The following DCAF4 variants were observed in gnomAD, a reference collection of about 807,000 sequenced individuals.
DCAF4 encodes the protein DDB1 and CUL4 associated factor 4, also known as DDB1- and CUL4-associated factor 4.
DCAF4 carries 37 observed loss-of-function variants against 60.9 expected under a neutral mutation model. The ratio of observed to expected loss-of-function variants is 0.61; its 90% CI spans 0.47 to 0.80. The LOEUF (loss-of-function observed/expected upper bound fraction) is 0.80, where lower values mean the gene tolerates loss of function less well. Among genes scored for constraint, DCAF4 ranks in the 30% least tolerant of loss-of-function variants. The probability of loss-of-function intolerance (pLI) is 0.00; values close to 1 mark genes in which losing one functional copy is unlikely to be tolerated. For synonymous variants in DCAF4, 243 were observed against 254.8 expected, an observed-to-expected ratio of 0.95 and a Z score of 0.44; for missense variants, 577 against 650.0, an observed-to-expected ratio of 0.89 and a Z score of 1.22.
Position 72,953,732 on chromosome 14 carries a change from A to AAAAAAAAATATATATAT in DCAF4, c.809-431_809-430insAAAAAAATATATATATA, listed in dbSNP as rs1555527852. 2.3e-4 allele frequency among the ~76,000 whole-genome samples: 5 copies of AAAAAAAAATATATATAT among 21,766 alleles called. 1 individual carries two copies. Among genetic ancestry groups the AAAAAAAAATATATATAT allele is most frequent in the African/African-American group, 4.7e-4 (2 of 4,300 alleles). 14.3% of individuals were successfully genotyped at this position (21,766 alleles called of 152,430 possible). A position where few individuals can be genotyped will look rare whatever the true frequency, so the allele number is the denominator to read the frequency against. ...CTTAAAAAAAAAAAAAAAAAAAAAA[A>AAAAAAAAATATATATAT]ATATATATATATATATATATATATA... On this transcript the variant is annotated intron_variant, in intron 9 of 13. Coordinates refer to ENST00000358377, the MANE Select transcript of DCAF4 (RefSeq NM_015604.4).
At chr14:72,961,700 G>C (rs1276924826), downstream of DCAF4, among the ~76,000 whole-genome samples, 1 of 152,228 alleles carries the variant, frequency 6.6e-6, no homozygotes, top group Non-Finnish European at 1.5e-5. Context: ...CAGCCCAGAG[G>C]CTCAGGACAT....
At position 72,930,026 on chromosome 14, in the gene DCAF4, G is replaced by A. The variant is rs543169395; in HGVS notation, c.-9+3483G>A. On this transcript the variant is annotated intron_variant, in intron 1 of 13. Transcript: ENST00000358377. ...TCGTGCCTGTAATTCCGGCTACTCC[G>A]AGGTTGAGGCAGGAGGACGGCTTGA... The A allele has an allele frequency of 4.7e-5, 27 of 579,250 alleles. No homozygotes were observed. In the East Asian group the frequency reaches 7.3e-4, roughly 16 times the overall value. The allele number at this position is 579,250 out of a possible 1,614,324, so 35.9% of individuals were successfully genotyped here. A position where few individuals can be genotyped will look rare whatever the true frequency, so the allele number is the denominator to read the frequency against.
chr14:72,960,057 T>C (rs936535649), downstream of DCAF4, among the ~76,000 whole-genome samples: 18 of 152,224 alleles, frequency 1.2e-4, no homozygotes, highest in Admixed American at 7.9e-4. Flanking sequence ...CACCTCACTG[T>C]TGCTGGCCCA....
intron 11 of DCAF4, 138 bp from the exon 12 acceptor site, chr14:72,955,385 C>T (rs1367584779): frequency 3.8e-6 from 4 of 1,053,468 alleles, no homozygotes; most frequent in Non-Finnish European, 5.6e-6. Context: ...CATTGAGACC[C>T]AAACCCTGAC....
In DCAF4 at chr14:72,951,825, T is replaced by A; in HGVS notation, c.756T>A (p.Thr252=). ...ILLCLMGLAE[T]PGCATLLPAS... is the part of the protein sequence containing the mutation. ...TATGCCTCATGGGACTCGCAGAGAC[T>A]CCAGGCTGTGCCACCCTGCTCCCAG... is the stretch of plus-strand genomic sequence containing the variant. The change falls in exon 9 of 14, where the codon ACT becomes ACA. Residue 252 remains threonine, a synonymous_variant. Coordinates refer to ENST00000358377, the MANE Select transcript of DCAF4 (RefSeq NM_015604.4). 1 of 1,614,112 alleles carries A rather than the reference T, an allele frequency of 6.2e-7. No homozygotes were observed. The highest frequency in any genetic ancestry group is 8.5e-7 in the Non-Finnish European group (1 of 1,180,004).
At chr14:72,943,971 T>C (rs1296599561) in intron 6 of DCAF4, among the ~76,000 whole-genome samples, 1 of 152,176 alleles carries the variant, frequency 6.6e-6, no homozygotes, top group Non-Finnish European at 1.5e-5. Flanking sequence ...CATTCTCCCA[T>C]GTGGCTTTTC....
chr14:72,951,970 G>A (rs1891478474), intron 9 of DCAF4, 93 bp downstream of exon 9: 2 of 1,342,640 alleles, frequency 1.5e-6, no homozygotes, highest in Non-Finnish European at 1.1e-6. Flanking sequence ...CCGCTGCAGA[G>A]GCACTGTGGG....
intron 1 of DCAF4, among the ~76,000 whole-genome samples, chr14:72,928,588 TATATA>T (rs1567290082): frequency 0.025 from 3,609 of 146,724 alleles, 125 homozygotes; most frequent in African/African-American, 0.074. Flanking sequence ...ACATCCTTTA[TATATA>T]TATATATATA....
chr14:72,954,474 T>C lies in DCAF4; in HGVS notation c.996T>C (p.Phe332=), dbSNP rs966433535. ...ACAGTGATGTCTTGGCCCAGCAGTT[T>C]GCTCTCATGGTTGGTTGGATTGGGA... ...GTNSDVLAQQ[F]ALMAPLLFNG... The change falls in exon 11 of 14, where the codon TTT becomes TTC. Residue 332 remains phenylalanine, a synonymous_variant. Transcript: ENST00000358377. 4.3e-6 allele frequency: 7 copies of C among 1,614,214 alleles called. No individual in the cohort carries two copies. The South Asian group carries it at 6.6e-5, about 15-fold the overall frequency.
intron 1 of DCAF4, among the ~76,000 whole-genome samples, chr14:72,928,187 C>CATTTTTTTTTTT: frequency 1.5e-5 from 1 of 67,276 alleles, no homozygotes; most frequent in Admixed American, 2.4e-4. Flanking sequence ...AATCCCCCCA[C>CATTTTTTTTTTT]TTTTTTTTTT....
chr14:72,938,765 C>T lies in DCAF4; in HGVS notation c.92+695C>T, dbSNP rs548541389. Reference sequence around the variant, plus strand: ...ATAAGATTTTTTTTTAAATGGTATACCTATGTATGACACTCCTGTGAACAG... The same window carrying T: ...ATAAGATTTTTTTTTAAATGGTATATCTATGTATGACACTCCTGTGAACAG... On this transcript the variant is annotated intron_variant, in intron 2 of 13. Coordinates refer to ENST00000358377, the MANE Select transcript of DCAF4 (RefSeq NM_015604.4). 9.2e-5 allele frequency among the ~76,000 whole-genome samples: 14 copies of T among 152,012 alleles called. No individual in the cohort carries two copies. The South Asian group carries it at 2.9e-3, about 32-fold the overall frequency.
chr14:72,927,598 G>A (rs1418214575), intron 1 of DCAF4, among the ~76,000 whole-genome samples: 2 of 152,010 alleles, frequency 1.3e-5, no homozygotes, highest in Non-Finnish European at 2.9e-5. Flanking sequence ...TGATCCGCCC[G>A]CCTCGGCCTC....
At chr14:72,954,676 T>A (rs1892040016) in intron 11 of DCAF4, among the ~76,000 whole-genome samples, 193 bp downstream of exon 11, 1 of 152,112 alleles carries the variant, frequency 6.6e-6, no homozygotes, top group Middle Eastern at 3.2e-3. Context: ...AAGGCTGGCC[T>A]GAGTTGCTCT....
chr14:72,961,637 G>GT (rs1427382199), downstream of DCAF4, among the ~76,000 whole-genome samples: 1 of 152,232 alleles, frequency 6.6e-6, no homozygotes, highest in African/African-American at 2.4e-5. Context: ...CTGGTGCAGG[G>GT]TTTTATTTCT....
At chr14:72,931,204 G>C (rs530614951) in intron 1 of DCAF4, among the ~76,000 whole-genome samples, 9 of 146,414 alleles carry the variant, frequency 6.1e-5, no homozygotes, top group Non-Finnish European at 1.0e-4. Context: ...GTGTTTTATA[G>C]TTTTCTGTGT....
chr14:72,944,817 G>A (rs1022959991), intron 6 of DCAF4, among the ~76,000 whole-genome samples: 5 of 151,490 alleles, frequency 3.3e-5, no homozygotes, highest in South Asian at 2.1e-4. Flanking sequence ...GGCCAGGTGT[G>A]GTGGCTCACA....
intron 8 of DCAF4, among the ~76,000 whole-genome samples, chr14:72,949,862 A>C (rs773912216): frequency 2.6e-5 from 4 of 152,240 alleles, no homozygotes; most frequent in Non-Finnish European, 5.9e-5. Context: ...GGTCATTCAG[A>C]CAACACCTAT....
downstream of DCAF4, chr14:72,960,738 C>T (rs942584383): frequency 5.9e-6 from 6 of 1,024,986 alleles, no homozygotes; most frequent in Non-Finnish European, 7.2e-6. Flanking sequence ...ATGATGGTTC[C>T]TGGGCCATAG....
At chr14:72,960,575 T>C, downstream of DCAF4, 1 of 1,048,470 alleles carries the variant, frequency 9.5e-7, no homozygotes, top group Non-Finnish European at 1.2e-6. Context: ...GACAGTCTTC[T>C]GTATTCTCTT....
Sources: gnomAD v4.1 joint callset for allele counts (sites outside exome capture counted in the v4.1 genomes callset) on GRCh38, gnomAD v4.1.1 for gene constraint, MANE v1.5 for transcripts, NCBI Gene and HGNC (gene_info 2026-07-23, HGNC 2026-07-21) for gene names.